Variants in COL12A1 observed in about 807,000 individuals in gnomAD.
COL12A1 encodes the protein collagen type XII alpha 1 chain.
A neutral mutation model predicts 349.7 loss-of-function variants in COL12A1; 114 were observed. That is an observed-to-expected ratio of 0.33 (90% CI 0.28 to 0.38). The LOEUF is 0.38. Among genes scored for constraint, COL12A1 ranks in the 10% least tolerant of loss-of-function variants. The pLI, the probability that COL12A1 is intolerant of heterozygous loss-of-function variation, is 1.00. For missense variants in COL12A1, 3,284 were observed against 3,756.9 expected (o/e 0.87, Z 3.29); for synonymous variants, 1,369 against 1,329.0 (o/e 1.03, Z -0.66).
Position 75,103,749 on chromosome 6 carries a change from A to T in COL12A1, c.8319+8T>A. The T allele has an allele frequency of 6.2e-7, 1 of 1,611,740 alleles. No individual in the cohort carries two copies. The highest frequency in any genetic ancestry group is 8.5e-7 in the Non-Finnish European group (1 of 1,178,292). On this transcript the variant is annotated splice_region_variant and intron_variant, in intron 55 of 65. Coordinates refer to ENST00000322507, the MANE Select transcript of COL12A1 (RefSeq NM_004370.6). ...TAAGAATTTAAATGCACTCTAAAAT[A>T]TACTTACAATTGCCCCACTGATACC...
At chr6:75,138,175 GA>G in intron 30 of COL12A1, 144 bp downstream of exon 30, 1 of 890,250 alleles carries the variant, frequency 1.1e-6, no homozygotes, top group East Asian at 2.7e-5. Context: ...AGTTTTTCAA[GA>G]AAAGCCTATG....
intron 10 of COL12A1, among the ~76,000 whole-genome samples, chr6:75,182,365 C>G (rs555607766): frequency 2.0e-5 from 3 of 152,162 alleles, no homozygotes; most frequent in Admixed American, 6.5e-5. Flanking sequence ...CCCCCAGCCC[C>G]CCCACCTTCC....
chr6:75,191,690 G>A lies in COL12A1; in HGVS notation c.394+11C>T. The stretch of plus-strand genomic sequence containing the variant: ...ATGAATCTAAGCAAAAATAGTAAGA[G>A]AAACACTCACTTTGTATCTCGGTTT... On this transcript the variant is annotated intron_variant, in intron 5 of 65. Transcript: ENST00000322507. 3 of 1,588,552 alleles carry A rather than the reference G, an allele frequency of 1.9e-6. No homozygotes were observed. The highest frequency in any genetic ancestry group is 2.6e-6 in the Non-Finnish European group (3 of 1,167,176).
At position 75,193,022 on chromosome 6, in the gene COL12A1, T is replaced by C. The variant is rs376393582; in HGVS notation, c.191-667A>G. Among the ~76,000 whole-genome samples, 26 of 152,316 alleles carry C rather than the reference T, an allele frequency of 1.7e-4. No homozygotes were observed. The South Asian group carries it at 4.8e-3, about 28-fold the overall frequency. On this transcript the variant is annotated intron_variant, in intron 3 of 65. Transcript: ENST00000322507. ...TTCAATCAGGAAACCTGGTGGTTCC[T>C]GGGAATTACGTGCCTGATATTTTTA...
At chr6:75,100,309 T>C (rs901661984) in intron 58 of COL12A1, among the ~76,000 whole-genome samples, 3 of 152,184 alleles carry the variant, frequency 2.0e-5, no homozygotes, top group Admixed American at 2.0e-4. Flanking sequence ...TGTGTCTGCA[T>C]GAAGCCCACA....
intron 14 of COL12A1, among the ~76,000 whole-genome samples, chr6:75,163,654 A>G (rs1368286224): frequency 6.6e-6 from 1 of 152,162 alleles, no homozygotes; most frequent in Non-Finnish European, 1.5e-5. Context: ...CAGAACTTAA[A>G]GTATAATTTT....
intron 38 of COL12A1, 114 bp downstream of exon 38, chr6:75,128,182 G>A: frequency 1.2e-6 from 1 of 825,044 alleles, no homozygotes; most frequent in Non-Finnish European, 1.8e-6. Context: ...TATTAGTGTG[G>A]TATTTGAGAT....
At chr6:75,162,302 A>G (rs894835526) in intron 14 of COL12A1, among the ~76,000 whole-genome samples, 8 of 151,816 alleles carry the variant, frequency 5.3e-5, no homozygotes, top group African/African-American at 1.9e-4. Flanking sequence ...CCAAAAACGT[A>G]AAGTGCAATA....
In COL12A1 at chr6:75,163,858, T is replaced by C. The variant is rs369805684; in HGVS notation, c.2983+1649A>G. On this transcript the variant is annotated intron_variant, in intron 14 of 65. Coordinates refer to ENST00000322507, the MANE Select transcript of COL12A1 (RefSeq NM_004370.6). ...GACATTTTAAATTCCAAATAATTAT[T>C]TGAAGCCTCCAACTTTTTGGAAAAA... 2.6e-5 allele frequency among the ~76,000 whole-genome samples: 4 copies of C among 152,286 alleles called. No individual in the cohort carries two copies. The East Asian group carries it at 5.8e-4, about 22-fold the overall frequency.
chr6:75,154,734 G>GA (rs1269171722), intron 16 of COL12A1, among the ~76,000 whole-genome samples, 197 bp from the exon 17 acceptor site: 2 of 152,166 alleles, frequency 1.3e-5, no homozygotes, highest in Non-Finnish European at 2.9e-5. Flanking sequence ...GGTGTCAAGA[G>GA]AAACTAGACA....
intron 12 of COL12A1, among the ~76,000 whole-genome samples, chr6:75,176,190 G>T (rs1471716319): frequency 6.6e-6 from 1 of 152,208 alleles, no homozygotes; most frequent in Non-Finnish European, 1.5e-5. Context: ...GTTGCAGGGG[G>T]AAGAGAGGAG....
rs934654428 is a variant in COL12A1, at chr6:75,106,453, G to T, written c.8144C>A (p.Thr2715Asn). The T allele has an allele frequency of 6.2e-7, 1 of 1,613,784 alleles. No individual in the cohort carries two copies. Among genetic ancestry groups the T allele is most frequent in the Admixed American group, 1.7e-5 (1 of 59,976 alleles). ...AATATCACAGCATCTGTCTCTACTG[G>T]TCCACACTGGACTGCAGACAATGTC... ...SFDIVCSPVW[T>N]SRDRCCDIPS... The change falls in exon 53 of 66, where the codon ACC (threonine) becomes AAC (asparagine). Residue 2715 changes from threonine to asparagine, a missense_variant. By Grantham distance (65) the Thr-to-Asn change is moderately conservative. Around this residue, in one of 2 missense-constraint regions of COL12A1, gnomAD observed 683 missense variants for 932.1 expected, o/e 0.73. Transcript: ENST00000322507.
intron 20 of COL12A1, 52 bp from the exon 21 acceptor site, chr6:75,151,339 T>C: frequency 3.2e-6 from 5 of 1,543,284 alleles, no homozygotes; most frequent in Non-Finnish European, 4.4e-6. Flanking sequence ...AAAAAATTAA[T>C]GGAATGAAGC....
rs372127487 is a variant in COL12A1, at chr6:75,086,473, C to A, written c.*74G>T. 37 of 1,379,768 alleles carry A rather than the reference C, an allele frequency of 2.7e-5. No individual in the cohort carries two copies. In the African/African-American group the frequency reaches 4.1e-4, roughly 15 times the overall value. The allele number at this position is 1,379,768 out of a possible 1,614,324, so 85.5% of individuals were successfully genotyped here. A position where few individuals can be genotyped will look rare whatever the true frequency, so the allele number is the denominator to read the frequency against. On this transcript the variant is annotated 3_prime_UTR_variant, in exon 66 of 66. Transcript: ENST00000322507. ...ATACAGACTCATTTCCTAATAAGCA[C>A]GTGCGCAAACATCTCAGAAACAGGA...
In COL12A1 at chr6:75,101,665, GAAAC is replaced by G. The variant is rs1046117543; in HGVS notation, c.8470-16_8470-13del. ...AATCCTGGGGTTCCCTGCACAGAAG[GAAAC>G]AAACAAGTGAAACATTATAATATAC... On this transcript the variant is annotated splice_polypyrimidine_tract_variant and intron_variant, in intron 57 of 65. Transcript: ENST00000322507. 3 of 1,612,174 alleles carry G rather than the reference GAAAC, an allele frequency of 1.9e-6. No homozygotes were observed. Among genetic ancestry groups the G allele is most frequent in the African/African-American group, 2.7e-5 (2 of 74,878 alleles).
chr6:75,145,495 T>A (rs779229409), intron 24 of COL12A1, 40 bp from the exon 25 acceptor site: 4 of 1,590,396 alleles, frequency 2.5e-6, no homozygotes, highest in East Asian at 4.5e-5. Context: ...GATATTCAAA[T>A]CAAACTTTTC....
chr6:75,095,571 T>C (rs1009756528), intron 59 of COL12A1, among the ~76,000 whole-genome samples: 4 of 141,194 alleles, frequency 2.8e-5, no homozygotes, highest in African/African-American at 1.1e-4. Context: ...GAGCCGAGAT[T>C]GCGCCACTGC....
chr6:75,191,840 T>C (rs909033124), intron 4 of COL12A1, 80 bp from the exon 5 acceptor site: 13 of 852,826 alleles, frequency 1.5e-5, no homozygotes, highest in Admixed American at 6.8e-5. Context: ...TATATTATAT[T>C]AGTTTTTGTT....
At chr6:75,087,404 G>A in intron 65 of COL12A1, 173 bp downstream of exon 65, 1 of 591,454 alleles carries the variant, frequency 1.7e-6, no homozygotes, top group Non-Finnish European at 2.8e-6. Flanking sequence ...TCCTAACAGT[G>A]AAATAATGTT....
Sources: gnomAD v4.1 joint callset for allele counts (sites outside exome capture counted in the v4.1 genomes callset) on GRCh38, gnomAD v4.1.1 for gene constraint, gnomAD v4.1.1 regional missense constraint, MANE v1.5 for transcripts, NCBI Gene and HGNC (gene_info 2026-07-23, HGNC 2026-07-21) for gene names.